The following UGT1A10 variants were observed in gnomAD, a reference collection of about 807,000 sequenced individuals.
UGT1A10 encodes the protein UDP-glucuronosyltransferase 1A10.
In UGT1A10, 49 loss-of-function variants were observed where a neutral mutation model predicts 45.8. That is an observed-to-expected ratio of 1.07 (90% CI 0.85 to 1.36). The LOEUF (loss-of-function observed/expected upper bound fraction) is 1.36. Ranked by LOEUF, UGT1A10 falls within the 40% of genes most tolerant of loss-of-function variation. UGT1A10 has a pLI of 0.00. For missense variants in UGT1A10, 745 were observed against 668.6 expected, an observed-to-expected ratio of 1.11 and a Z score of -1.26; for synonymous variants, 284 against 249.7, an observed-to-expected ratio of 1.14 and a Z score of -1.29.
chr2:233,772,314 G>T lies in UGT1A10; in HGVS notation c.1348G>T (p.Glu450Ter). The T allele has an allele frequency of 6.2e-7, 1 of 1,614,222 alleles. No individual in the cohort carries two copies. The highest frequency in any genetic ancestry group is 8.5e-7 in the Non-Finnish European group (1 of 1,180,048). ...LSSLHKDRPV[E>*]PLDLAVFWVE... is the part of the protein sequence containing the mutation. Reference sequence around the variant, plus strand: ...CAGCCTTCACAAGGACCGCCCGGTGGAGCCGCTGGACCTGGCCGTGTTCTG... The same window carrying T: ...CAGCCTTCACAAGGACCGCCCGGTGTAGCCGCTGGACCTGGCCGTGTTCTG... Residue 450 changes from glutamate (E) to a stop codon, truncating the protein, a stop_gained, in exon 5 of 5, where the codon GAG (glutamate) becomes TAG (stop). Transcript: ENST00000344644. LOFTEE classifies it high-confidence loss of function.
Position 233,671,290 on chromosome 2 carries a change from A to G in UGT1A10, c.855+33913A>G, listed in dbSNP as rs17863775. ...GTATCTTAGGAAAGCCATTTAAAATAGGAGACGGTTACTTTCCATCAAGTC... is the reference window on the plus strand; with the variant it reads ...GTATCTTAGGAAAGCCATTTAAAATGGGAGACGGTTACTTTCCATCAAGTC... On this transcript the variant is annotated intron_variant, in intron 1 of 4. Coordinates refer to ENST00000344644, the MANE Select transcript of UGT1A10 (RefSeq NM_019075.4). 7.5e-3 allele frequency among the ~76,000 whole-genome samples: 1,136 copies of G among 152,340 alleles called. 10 individuals carry two copies. The highest frequency in any genetic ancestry group is 0.011 in the Non-Finnish European group (770 of 68,020).
chr2:233,772,471 T>C lies in UGT1A10; in HGVS notation c.1505T>C (p.Ile502Thr), dbSNP rs1341191921. The C allele has an allele frequency of 1.2e-6, 2 of 1,614,022 alleles. No homozygotes were observed. The highest frequency in any genetic ancestry group is 1.7e-6 in the Non-Finnish European group (2 of 1,180,036). Residue 502 changes from isoleucine to threonine, a missense_variant, in exon 5 of 5, where the codon ATC (isoleucine) becomes ACC (threonine). Physicochemically the swap from Ile to Thr is moderately conservative, Grantham distance 89. Coordinates refer to ENST00000344644, the MANE Select transcript of UGT1A10 (RefSeq NM_019075.4). Reference sequence around the variant, plus strand: ...GCCGTCGTGCTGACAGTGGCCTTCATCACCTTTAAATGTTGTGCTTATGGC... The same window carrying C: ...GCCGTCGTGCTGACAGTGGCCTTCACCACCTTTAAATGTTGTGCTTATGGC... ...LLAVVLTVAF[I>T]TFKCCAYGYR...
intron 1 of UGT1A10, chr2:233,713,941 T>A: frequency 6.2e-7 from 1 of 1,610,292 alleles, no homozygotes; most frequent in Non-Finnish European, 8.5e-7. Context: ...TGCTTCCATA[T>A]CTACTTATCT....
intron 1 of UGT1A10, chr2:233,690,651 A>G: frequency 7.8e-7 from 1 of 1,284,640 alleles, no homozygotes; most frequent in Non-Finnish European, 1.0e-6. Flanking sequence ...CTTGACTCCT[A>G]CAGCACCAAC....
intron 1 of UGT1A10, chr2:233,691,242 A>T (rs1483336353): frequency 4.5e-5 from 44 of 985,382 alleles, no homozygotes; most frequent in Non-Finnish European, 4.9e-5. Context: ...TGCTATCTAG[A>T]TGAACTCAAA....
At chr2:233,760,448 GA>G in intron 1 of UGT1A10, 1 of 1,614,238 alleles carries the variant, frequency 6.2e-7, no homozygotes, top group East Asian at 2.2e-5. Context: ...CAGCAGAGGG[GA>G]CATGAAATAG....
chr2:233,698,618 C>A (rs1394029737), intron 1 of UGT1A10, among the ~76,000 whole-genome samples: 6 of 152,174 alleles, frequency 3.9e-5, no homozygotes, highest in Non-Finnish European at 7.4e-5. Flanking sequence ...CAGTGGAATT[C>A]AATTTTGCCT....
intron 1 of UGT1A10, chr2:233,742,083 T>C (rs971909103): frequency 2.6e-5 from 4 of 151,868 alleles, no homozygotes; most frequent in Non-Finnish European, 5.9e-5. Context: ...ATCCTTTTTT[T>C]ACATTTCCAG....
intron 1 of UGT1A10, among the ~76,000 whole-genome samples, chr2:233,646,111 G>A (rs944845932): frequency 1.3e-5 from 2 of 152,172 alleles, no homozygotes; most frequent in Non-Finnish European, 2.9e-5. Flanking sequence ...GCCAAGGCTC[G>A]GCACTTGCAC....
rs1165461147 is a variant in UGT1A10 at position 233,636,693 on chromosome 2, A to G, written c.171A>G (p.Val57=). ...KLILRGHEVV[V]VMPEVSWQLE... ...TCCTCAGGGGGCATGAGGTGGTTGT[A>G]GTCATGCCAGAGGTGAGTTGGCAAC... The change falls in exon 1 of 5, where the codon GTA becomes GTG. Residue 57 remains valine (V), a synonymous_variant. Coordinates refer to ENST00000344644, the MANE Select transcript of UGT1A10 (RefSeq NM_019075.4). The G allele has an allele frequency of 6.2e-7, 1 of 1,614,156 alleles. No homozygotes were observed. The highest frequency in any genetic ancestry group is 8.5e-7 in the Non-Finnish European group (1 of 1,180,026).
chr2:233,656,261 G>T (rs1457967443), intron 1 of UGT1A10, among the ~76,000 whole-genome samples: 3 of 152,160 alleles, frequency 2.0e-5, no homozygotes, highest in Admixed American at 1.3e-4. Flanking sequence ...ACATCAAAAG[G>T]TCTCTTCAGG....
intron 1 of UGT1A10, among the ~76,000 whole-genome samples, chr2:233,650,629 T>A (rs1461489777): frequency 6.6e-6 from 1 of 152,248 alleles, no homozygotes; most frequent in African/African-American, 2.4e-5. Flanking sequence ...AACTTTTTTT[T>A]AAAGCATCAG....
At position 233,769,881 on chromosome 2, in the gene UGT1A10, G is replaced by A. The variant is rs1425583978; in HGVS notation, c.1295+1442G>A. The A allele has an allele frequency of 1.5e-5, 6 of 409,146 alleles. No homozygotes were observed. The highest frequency in any genetic ancestry group is 2.0e-5 in the African/African-American group (1 of 48,904). 25.3% of individuals were successfully genotyped at this position (409,146 alleles called of 1,614,324 possible). Reference sequence around the variant, plus strand: ...TCAAAAAAAAAAAAAAAAATGAAAAGTCCACATAACCTGAGCATCATGTGC... The same window carrying A: ...TCAAAAAAAAAAAAAAAAATGAAAAATCCACATAACCTGAGCATCATGTGC... On this transcript the variant is annotated intron_variant, in intron 4 of 4. Coordinates refer to ENST00000344644, the MANE Select transcript of UGT1A10 (RefSeq NM_019075.4). This position sits in a 1 kb window ranked among gnomAD's most constrained non-coding sequence, Gnocchi z 4.4.
At chr2:233,689,804 T>C (rs2074959921) in intron 1 of UGT1A10, 1 of 438,570 alleles carries the variant, frequency 2.3e-6, no homozygotes. Context: ...GTAGTTTCTA[T>C]AGGAAACCAA....
intron 1 of UGT1A10, among the ~76,000 whole-genome samples, chr2:233,679,775 C>G (rs535392626): frequency 1.3e-5 from 2 of 152,212 alleles, no homozygotes; most frequent in South Asian, 4.2e-4. Flanking sequence ...ATTAAATTCT[C>G]CAGTTTTAGA....
At chr2:233,725,483 GCAAAAAGAAACCA>G (rs2077451609) in intron 1 of UGT1A10, among the ~76,000 whole-genome samples, 1 of 151,876 alleles carries the variant, frequency 6.6e-6, no homozygotes, top group Admixed American at 6.6e-5. Flanking sequence ...TTAGAAACCA[GCAAAAAGAAACCA>G]CTGAAATTAA....
In UGT1A10 at chr2:233,637,304, A is replaced by G; in HGVS notation, c.782A>G (p.Tyr261Cys). The G allele has an allele frequency of 1.9e-6, 3 of 1,613,954 alleles. No individual in the cohort carries two copies. The highest frequency in any genetic ancestry group is 1.7e-6 in the Non-Finnish European group (2 of 1,179,844). Residue 261 changes from tyrosine to cysteine, a missense_variant, in exon 1 of 5, where the codon TAT (tyrosine) becomes TGT (cysteine). Coordinates refer to ENST00000344644, the MANE Select transcript of UGT1A10 (RefSeq NM_019075.4). ...WLLRTDFVLD[Y>C]PKPVMPNMIF... Reference sequence around the variant, plus strand: ...TTGCGAACGGACTTTGTTTTGGACTATCCCAAACCCGTGATGCCCAACATG... The same window carrying G: ...TTGCGAACGGACTTTGTTTTGGACTGTCCCAAACCCGTGATGCCCAACATG...
chr2:233,761,127 C>A lies in UGT1A10; in HGVS notation c.856-5907C>A, dbSNP rs281865418. 1.2e-6 allele frequency: 2 copies of A among 1,614,174 alleles called. No individual in the cohort carries two copies. Among genetic ancestry groups the A allele is most frequent in the South Asian group, 1.1e-5 (1 of 91,074 alleles). On this transcript the variant is annotated intron_variant, in intron 1 of 4. Transcript: ENST00000344644. ...TGGTTTTTGTTGGTGGAATCAACTGCCTTCACCAAAATCCACTATCCCAGG... is the reference window on the plus strand; with the variant it reads ...TGGTTTTTGTTGGTGGAATCAACTGACTTCACCAAAATCCACTATCCCAGG...
chr2:233,694,870 T>C (rs1475517927), intron 1 of UGT1A10, among the ~76,000 whole-genome samples: 1 of 152,238 alleles, frequency 6.6e-6, no homozygotes, highest in East Asian at 1.9e-4. Flanking sequence ...AATATAGTTG[T>C]ACACATTTGG....
Sources: gnomAD v4.1 joint callset for allele counts (sites outside exome capture counted in the v4.1 genomes callset) on GRCh38, gnomAD v4.1.1 for gene constraint, Gnocchi (gnomAD v3.1) non-coding constraint, MANE v1.5 for transcripts, NCBI Gene and HGNC (gene_info 2026-07-23, HGNC 2026-07-21) for gene names.